Variants in ABCB4 observed in about 807,000 individuals in gnomAD.
ABCB4 encodes ATP binding cassette subfamily B member 4.
Under a neutral mutation model 145.7 loss-of-function variants are expected in ABCB4, and 76 were observed. That is an observed-to-expected ratio of 0.52 (90% confidence interval 0.43 to 0.63). The LOEUF is 0.63. Ranked by LOEUF, ABCB4 falls within the 30% of genes least tolerant of loss-of-function variation. The pLI is 0.00. For missense variants in ABCB4, 1,234 were observed against 1,553.1 expected, an observed-to-expected ratio of 0.79 and a Z score of 3.45; for synonymous variants, 517 against 566.8, an observed-to-expected ratio of 0.91 and a Z score of 1.25.
At chr7:87,379,786 C>A in the ABCB4 span, among the ~76,000 whole-genome samples, 10 of 152,140 alleles carry the variant, frequency 6.6e-5, no homozygotes, top group East Asian at 1.3e-3. Flanking sequence ...ATAGAGGGTG[C>A]AGTTTAACCT....
At chr7:87,452,630 T>C (rs1275268874) in intron 6 of ABCB4, 3 of 392,950 alleles carry the variant, frequency 7.6e-6, no homozygotes, top group Non-Finnish European at 9.4e-6. Context: ...AATTCAATCA[T>C]CTATTCATTG....
At chr7:87,422,361 AT>A (rs1281525470) in intron 17 of ABCB4, 136 bp from the exon 18 acceptor site, 1 of 734,946 alleles carries the variant, frequency 1.4e-6, no homozygotes, top group Admixed American at 2.3e-5. Flanking sequence ...TTGTGGTAAA[AT>A]ATACATAACA....
Position 87,451,690 on chromosome 7 carries a change from C to T in ABCB4, c.641G>A (p.Trp214Ter). 6.2e-7 allele frequency: 1 copy of T among 1,614,154 alleles called. No homozygotes were observed. The highest frequency in any genetic ancestry group is 8.5e-7 in the Non-Finnish European group (1 of 1,180,022). ...AGFIVGFIRG[W>*]KLTLVIMAIS... ...GGCCATTATCACAAGGGTGAGCTTC[C>T]ATCCTCTGATGAATCCCACTATGAA... is the stretch of plus-strand genomic sequence containing the variant. Residue 214 changes from tryptophan to a stop codon, truncating the protein, a stop_gained, in exon 7 of 28, where the codon TGG becomes TAG. Transcript: ENST00000649586. LOFTEE classifies it high-confidence loss of function.
the ABCB4 span, among the ~76,000 whole-genome samples, chr7:87,390,809 A>C: frequency 6.6e-6 from 1 of 152,238 alleles, no homozygotes; most frequent in Non-Finnish European, 1.5e-5. Flanking sequence ...CTGTGTAATA[A>C]ATTACCCCAA....
chr7:87,436,371 G>T (rs17651890), intron 14 of ABCB4, among the ~76,000 whole-genome samples: 1 of 151,836 alleles, frequency 6.6e-6, no homozygotes, highest in South Asian at 2.1e-4. Flanking sequence ...CTGATGGCAG[G>T]TTCACTTGCA....
At chr7:87,426,975 G>A (rs1809876504) in intron 15 of ABCB4, 55 bp from the exon 16 acceptor site, 3 of 1,510,282 alleles carry the variant, frequency 2.0e-6, no homozygotes, top group Non-Finnish European at 2.7e-6. Context: ...GTGTGTGTGT[G>A]TGTGTCTCCA....
At position 87,401,795 on chromosome 7, in the gene ABCB4, T is replaced by C; in HGVS notation, c.*301A>G. The C allele has an allele frequency of 2.1e-6, 1 of 473,786 alleles. No individual in the cohort carries two copies. The highest frequency in any genetic ancestry group is 3.9e-6 in the Non-Finnish European group (1 of 255,014). 29.3% of individuals were successfully genotyped at this position (473,786 alleles called of 1,614,324 possible). A position where few individuals can be genotyped will look rare whatever the true frequency, so the allele number is the denominator to read the frequency against. On this transcript the variant is annotated 3_prime_UTR_variant, in exon 28 of 28. Coordinates refer to ENST00000649586, the MANE Select transcript of ABCB4 (RefSeq NM_000443.4). Reference sequence around the variant, plus strand: ...ATTCAGGACCATAAGACCATTTCCCTATGTCTGTGGCTTCTATATTTCTAC... The same window carrying C: ...ATTCAGGACCATAAGACCATTTCCCCATGTCTGTGGCTTCTATATTTCTAC...
chr7:87,470,293 C>G (rs924024226), intron 3 of ABCB4, among the ~76,000 whole-genome samples: 9 of 152,184 alleles, frequency 5.9e-5, no homozygotes, highest in Non-Finnish European at 1.0e-4. Flanking sequence ...CAATACCATT[C>G]AGGACATAGG....
intron 8 of ABCB4, among the ~76,000 whole-genome samples, chr7:87,448,080 A>G (rs1811462021): frequency 6.6e-6 from 1 of 152,204 alleles, no homozygotes; most frequent in South Asian, 2.1e-4. Context: ...CATTTGATAT[A>G]AAGTTTAAAA....
At chr7:87,398,499 A>G (rs1562942065), downstream of ABCB4, 2 of 1,612,408 alleles carry the variant, frequency 1.2e-6, no homozygotes, top group Non-Finnish European at 8.5e-7. Context: ...TTGTGTAATC[A>G]TTAATCATTA....
intron 16 of ABCB4, 89 bp from the exon 17 acceptor site, chr7:87,424,141 A>G: frequency 6.5e-7 from 1 of 1,536,346 alleles, no homozygotes. Context: ...CATTGCCCTC[A>G]AGGGACTCGC....
intron 26 of ABCB4, 187 bp downstream of exon 26, chr7:87,406,101 T>C: frequency 3.1e-6 from 2 of 643,212 alleles, no homozygotes; most frequent in South Asian, 3.8e-5. Context: ...TCACTACATT[T>C]GTATGAGGTA....
the ABCB4 span, among the ~76,000 whole-genome samples, chr7:87,368,231 C>T: frequency 1.3e-5 from 2 of 152,230 alleles, no homozygotes; most frequent in African/African-American, 4.8e-5. Context: ...CAGTTTTCTG[C>T]TCAAATATCC....
At chr7:87,367,256 T>C in the ABCB4 span, among the ~76,000 whole-genome samples, 2 of 152,228 alleles carry the variant, frequency 1.3e-5, no homozygotes, top group South Asian at 4.1e-4. Flanking sequence ...ACCAAAGAGA[T>C]GGAAGTATGA....
chr7:87,475,289 A>G, intron 2 of ABCB4, 97 bp downstream of exon 2: 1 of 1,450,056 alleles, frequency 6.9e-7, no homozygotes, highest in Non-Finnish European at 9.7e-7. Flanking sequence ...AAAGGTCTTC[A>G]AAGGCATCAA....
chr7:87,458,438 C>A (rs922116886), intron 4 of ABCB4, among the ~76,000 whole-genome samples: 3 of 152,164 alleles, frequency 2.0e-5, no homozygotes, highest in Admixed American at 6.5e-5. Context: ...TTCTAACATG[C>A]CTTTCTCATT....
chr7:87,443,313 A>C lies in ABCB4; in HGVS notation c.1356+6T>G. 1 of 1,613,898 alleles carries C rather than the reference A, an allele frequency of 6.2e-7. No homozygotes were observed. Among genetic ancestry groups the C allele is most frequent in the East Asian group, 2.2e-5 (1 of 44,868 alleles). ...CACTCTGGAAAGCTTGGTTCTTCCC[A>C]CTTACTGTGCCCTCATCAGGGTCAT... On this transcript the variant is annotated splice_donor_region_variant and intron_variant, in intron 12 of 27. Transcript: ENST00000649586.
In ABCB4 at chr7:87,447,315, G is replaced by A. The variant is rs1811418494; in HGVS notation, c.834-110C>T. 2.8e-6 allele frequency: 3 copies of A among 1,066,580 alleles called. No homozygotes were observed. In the East Asian group the frequency reaches 7.6e-5, roughly 27 times the overall value. The allele number at this position is 1,066,580 out of a possible 1,614,324, so 66.1% of individuals were successfully genotyped here. ...GGTTTAAGTAACAAAGTCAGTCAAG[G>A]TAATGAACCCATGGTGAGACCCAGA... On this transcript the variant is annotated intron_variant, in intron 8 of 27. Transcript: ENST00000649586.
chr7:87,437,518 A>T (rs1420276619), intron 14 of ABCB4, among the ~76,000 whole-genome samples: 6 of 152,222 alleles, frequency 3.9e-5, no homozygotes, highest in East Asian at 1.9e-4. Flanking sequence ...AGCAACCAAA[A>T]AATAATAATA....
Sources: allele counts gnomAD v4.1 joint callset (sites outside exome capture counted in the v4.1 genomes callset), GRCh38; gene constraint gnomAD v4.1.1; transcripts MANE v1.5; gene names NCBI Gene and HGNC (gene_info 2026-07-23, HGNC 2026-07-21).